The following L3MBTL4 variants were observed in gnomAD, a reference collection of about 807,000 sequenced individuals.
The protein encoded by L3MBTL4 is L3MBTL histone methyl-lysine binding protein 4.
Under a neutral mutation model 84.5 loss-of-function variants are expected in L3MBTL4, and 70 were observed. The observed-to-expected ratio is 0.83, with a 90% CI of 0.68 to 1.01. The LOEUF (loss-of-function observed/expected upper bound fraction) is 1.01. Among genes scored for constraint, L3MBTL4 ranks in the 50% least tolerant of loss-of-function variants. The probability of loss-of-function intolerance (pLI) is 0.00; values close to 1 mark genes in which losing one functional copy is unlikely to be tolerated. For missense variants in L3MBTL4, 715 were observed against 754.8 expected (o/e 0.95, Z 0.62); for synonymous variants, 274 against 259.8 (o/e 1.05, Z -0.52).
chr18:6,352,895 C>A (rs2053264857), intron 1 of L3MBTL4, among the ~76,000 whole-genome samples: 1 of 152,074 alleles, frequency 6.6e-6, no homozygotes, highest in African/African-American at 2.4e-5. Flanking sequence ...CTAAATTGTT[C>A]TTCAAACCAT....
At chr18:6,392,503 C>T (rs565985428) in intron 1 of L3MBTL4, among the ~76,000 whole-genome samples, 3 of 152,238 alleles carry the variant, frequency 2.0e-5, no homozygotes, top group East Asian at 1.9e-4. Context: ...GAGCCAAGAT[C>T]GTGCCACTGC....
intron 12 of L3MBTL4, among the ~76,000 whole-genome samples, chr18:6,176,291 A>G (rs1293753150): frequency 1.3e-5 from 2 of 152,208 alleles, no homozygotes; most frequent in Non-Finnish European, 2.9e-5. Flanking sequence ...AACTGATACT[A>G]TCTGAATTTT....
At chr18:6,044,533 AAGT>A (rs2056535242) in intron 16 of L3MBTL4, among the ~76,000 whole-genome samples, 1 of 152,188 alleles carries the variant, frequency 6.6e-6, no homozygotes, top group Non-Finnish European at 1.5e-5. Flanking sequence ...GGTGAATAAG[AAGT>A]AGAGGTGTTG....
chr18:6,334,659 A>G (rs2052235028), intron 1 of L3MBTL4, among the ~76,000 whole-genome samples: 1 of 152,194 alleles, frequency 6.6e-6, no homozygotes, highest in African/African-American at 2.4e-5. Flanking sequence ...GCTTACAGGC[A>G]ATAATATAGT....
chr18:6,173,688 A>G (rs2044087016), intron 12 of L3MBTL4, among the ~76,000 whole-genome samples: 1 of 152,112 alleles, frequency 6.6e-6, no homozygotes, highest in African/African-American at 2.4e-5. Context: ...CTGAAATAGA[A>G]GAATCACCTC....
chr18:6,045,828 A>G (rs2056594964), intron 16 of L3MBTL4, among the ~76,000 whole-genome samples: 2 of 152,348 alleles, frequency 1.3e-5, no homozygotes, highest in South Asian at 2.1e-4. Flanking sequence ...ACCACACAAT[A>G]GGAACTACAA....
chr18:6,061,681 T>C (rs2057225111), intron 16 of L3MBTL4, among the ~76,000 whole-genome samples: 1 of 152,034 alleles, frequency 6.6e-6, no homozygotes, highest in Non-Finnish European at 1.5e-5. Context: ...CACTTGTTCT[T>C]TCTTTTCTAG....
At chr18:6,233,300 G>T (rs1326922197) in intron 10 of L3MBTL4, among the ~76,000 whole-genome samples, 1 of 150,024 alleles carries the variant, frequency 6.7e-6, no homozygotes, top group East Asian at 1.9e-4. Flanking sequence ...ATTCAACATA[G>T]TGTTGGAAGT....
intron 16 of L3MBTL4, among the ~76,000 whole-genome samples, chr18:5,986,311 T>G (rs527886): frequency 0.21 from 32,153 of 152,082 alleles, 5,993 homozygotes; most frequent in African/African-American, 0.5. Flanking sequence ...GAAACTGATA[T>G]GCAGATTGCC....
At chr18:6,209,779 T>C (rs1487561147) in intron 12 of L3MBTL4, among the ~76,000 whole-genome samples, 1 of 152,220 alleles carries the variant, frequency 6.6e-6, no homozygotes, top group Admixed American at 6.5e-5. Flanking sequence ...TAAAATGTGG[T>C]ATATCCATAC....
chr18:5,982,772 G>T (rs1210351187), intron 16 of L3MBTL4, among the ~76,000 whole-genome samples: 1 of 152,150 alleles, frequency 6.6e-6, no homozygotes, highest in African/African-American at 2.4e-5. Context: ...GCTTAAGAGG[G>T]ATAAGAGATG....
chr18:6,382,620 T>C (rs1254944853), intron 1 of L3MBTL4, among the ~76,000 whole-genome samples: 1 of 152,210 alleles, frequency 6.6e-6, no homozygotes, highest in African/African-American at 2.4e-5. Flanking sequence ...CAGACCCTGT[T>C]TGCCTGGGTA....
chr18:6,082,030 T>G (rs987794099), intron 15 of L3MBTL4, among the ~76,000 whole-genome samples: 2 of 152,076 alleles, frequency 1.3e-5, no homozygotes, highest in Non-Finnish European at 2.9e-5. Context: ...GACAGTACAT[T>G]CAGTGTGCGA....
intron 1 of L3MBTL4, among the ~76,000 whole-genome samples, chr18:6,399,444 G>GA (rs2055421494): frequency 1.3e-5 from 2 of 148,974 alleles, no homozygotes; most frequent in South Asian, 2.1e-4. Context: ...ACAAAAAAAA[G>GA]AAAAAAAGAA....
chr18:6,143,718 A>C (rs2060262197), intron 13 of L3MBTL4, among the ~76,000 whole-genome samples: 1 of 152,114 alleles, frequency 6.6e-6, no homozygotes, highest in Non-Finnish European at 1.5e-5. Flanking sequence ...TATTTTTACC[A>C]CTTTTCCTGA....
At chr18:6,016,337 C>T (rs1255637830) in intron 16 of L3MBTL4, among the ~76,000 whole-genome samples, 2 of 152,188 alleles carry the variant, frequency 1.3e-5, no homozygotes, top group South Asian at 4.1e-4. Context: ...AATGGTCACT[C>T]CTTAGGCACC....
At chr18:6,064,902 A>G (rs771005679) in intron 16 of L3MBTL4, among the ~76,000 whole-genome samples, 1 of 151,954 alleles carries the variant, frequency 6.6e-6, no homozygotes, top group Non-Finnish European at 1.5e-5. Flanking sequence ...TAGAAGCGGT[A>G]AAAGTGGGCA....
intron 14 of L3MBTL4, among the ~76,000 whole-genome samples, chr18:6,117,990 G>A (rs1208464801): frequency 6.6e-6 from 1 of 152,016 alleles, no homozygotes; most frequent in Non-Finnish European, 1.5e-5. Context: ...ACACAGCCAG[G>A]CTGAACACAC....
At chr18:6,095,452 G>A (rs2058607346) in intron 14 of L3MBTL4, among the ~76,000 whole-genome samples, 2 of 150,592 alleles carry the variant, frequency 1.3e-5, no homozygotes, top group African/African-American at 2.5e-5. Context: ...CCGGGTTCAC[G>A]CCATTCTCCT....
Sources: allele counts gnomAD v4.1 joint callset (sites outside exome capture counted in the v4.1 genomes callset), GRCh38; gene constraint gnomAD v4.1.1; transcripts MANE v1.5; gene names NCBI Gene and HGNC (gene_info 2026-07-23, HGNC 2026-07-21).